The following CRPPA variants were observed in gnomAD, a reference collection of about 807,000 sequenced individuals.
The protein encoded by CRPPA is CDP-L-ribitol pyrophosphorylase A, also known as D-ribitol-5-phosphate cytidylyltransferase.
In CRPPA, 43 loss-of-function variants were observed where a neutral mutation model predicts 52.0. The observed-to-expected ratio is 0.83, with a 90% CI of 0.65 to 1.07. The LOEUF (loss-of-function observed/expected upper bound fraction) is 1.07. Ranked by LOEUF, CRPPA falls within the 50% of genes least tolerant of loss-of-function variation. CRPPA has a pLI of 0.00. For synonymous variants in CRPPA, 250 were observed against 203.5 expected, an observed-to-expected ratio of 1.23 and a Z score of -1.94; for missense variants, 629 against 551.7, an observed-to-expected ratio of 1.14 and a Z score of -1.40.
intron 8 of CRPPA, among the ~76,000 whole-genome samples, chr7:16,233,569 C>A (rs1782865140): frequency 6.6e-6 from 1 of 152,050 alleles, no homozygotes; most frequent in Non-Finnish European, 1.5e-5. Flanking sequence ...GTGACTAATA[C>A]AAAAAATACT....
At chr7:16,155,366 G>T (rs2128380184) in intron 9 of CRPPA, among the ~76,000 whole-genome samples, 1 of 152,284 alleles carries the variant, frequency 6.6e-6, no homozygotes, top group South Asian at 2.1e-4. Context: ...ACTCTGGTGG[G>T]TCTTATTTGC....
chr7:16,421,063 T>C lies in CRPPA; in HGVS notation c.257+3A>G. The C allele has an allele frequency of 7.9e-7, 1 of 1,266,364 alleles. No homozygotes were observed. Among genetic ancestry groups the C allele is most frequent in the Non-Finnish European group, 1.0e-6 (1 of 998,382 alleles). The allele number at this position is 1,266,364 out of a possible 1,614,324, so 78.4% of individuals were successfully genotyped here. A position where few individuals can be genotyped will look rare whatever the true frequency, so the allele number is the denominator to read the frequency against. On this transcript the variant is annotated splice_donor_region_variant and intron_variant, in intron 1 of 9. Transcript: ENST00000407010. ...CCGCGGGGCGCGCCCGGCGCCGCAT[T>C]ACCTCTCCAGGGCCTGTAGGGTGTA...
chr7:16,091,740 G>A lies in CRPPA; in HGVS notation c.1311C>T (p.Ile437=). 1 of 1,563,214 alleles carries A rather than the reference G, an allele frequency of 6.4e-7. No individual in the cohort carries two copies. Among genetic ancestry groups the A allele is most frequent in the Non-Finnish European group, 8.7e-7 (1 of 1,152,498 alleles). The part of the protein sequence containing the change: ...RQGAIIIASL[I]KERNSGLIGQ... ...CAATGAGTCCAGAATTTCTTTCCTT[G>A]ATTAATGAAGCAATAATGATAGCAC... The change falls in exon 10 of 10, where the codon ATC becomes ATT. Residue 437 remains isoleucine, a synonymous_variant. Transcript: ENST00000407010.
intron 1 of CRPPA, among the ~76,000 whole-genome samples, chr7:16,417,186 C>T (rs1170707417): frequency 6.6e-6 from 1 of 152,138 alleles, no homozygotes; most frequent in East Asian, 1.9e-4. Context: ...CACTTATACA[C>T]TGTTACTGGG....
At chr7:16,252,018 T>C (rs1254252080) in intron 8 of CRPPA, among the ~76,000 whole-genome samples, 1 of 151,892 alleles carries the variant, frequency 6.6e-6, no homozygotes, top group African/African-American at 2.4e-5. Flanking sequence ...AAGAATCAAA[T>C]AGACACAATA....
chr7:16,280,313 C>T (rs1169122260), intron 5 of CRPPA, among the ~76,000 whole-genome samples: 2 of 152,218 alleles, frequency 1.3e-5, no homozygotes, highest in Non-Finnish European at 2.9e-5. Context: ...GAAGTTAACT[C>T]ATAAAAGCAG....
chr7:16,372,484 C>T (rs1265176595), intron 3 of CRPPA, among the ~76,000 whole-genome samples: 1 of 152,128 alleles, frequency 6.6e-6, no homozygotes, highest in African/African-American at 2.4e-5. Context: ...ATCTTTTTCA[C>T]ACAAACAAAT....
chr7:16,152,054 C>G (rs1783085723), intron 9 of CRPPA, among the ~76,000 whole-genome samples: 1 of 151,840 alleles, frequency 6.6e-6, no homozygotes, highest in African/African-American at 2.4e-5. Context: ...ATGTCCCATT[C>G]CTCCATAAAT....
At chr7:16,373,592 C>CAG (rs1381608250) in intron 3 of CRPPA, among the ~76,000 whole-genome samples, 2 of 152,156 alleles carry the variant, frequency 1.3e-5, no homozygotes, top group African/African-American at 4.8e-5. Context: ...AGATGAAAAA[C>CAG]AGGCACTAAA....
intron 3 of CRPPA, among the ~76,000 whole-genome samples, chr7:16,329,157 T>C (rs1469641629): frequency 6.6e-6 from 1 of 152,208 alleles, no homozygotes; most frequent in Non-Finnish European, 1.5e-5. Context: ...TTACAGATTA[T>C]ATCCAAGAGG....
intron 9 of CRPPA, among the ~76,000 whole-genome samples, chr7:16,206,038 T>C (rs918864281): frequency 1.3e-5 from 2 of 152,118 alleles, no homozygotes; most frequent in Non-Finnish European, 2.9e-5. Flanking sequence ...ATGACCTGAC[T>C]CTTCACTGAA....
At chr7:16,215,918 T>G in intron 9 of CRPPA, 148 bp downstream of exon 9, 1 of 516,744 alleles carries the variant, frequency 1.9e-6, no homozygotes. Flanking sequence ...AGGCAAGAGG[T>G]TCTACTATTA....
chr7:16,250,306 T>G (rs111940941), intron 8 of CRPPA, among the ~76,000 whole-genome samples: 2,004 of 152,250 alleles, frequency 0.013, 45 homozygotes, highest in African/African-American at 0.046. Context: ...CTCTGCAGGA[T>G]ATTAATCAGG....
chr7:16,385,614 C>T (rs1384992280), intron 2 of CRPPA, among the ~76,000 whole-genome samples: 1 of 152,080 alleles, frequency 6.6e-6, no homozygotes, highest in Non-Finnish European at 1.5e-5. Flanking sequence ...AAAAAAGTAG[C>T]AACAAATGTT....
rs74620245 is a variant in CRPPA at position 16,272,101 on chromosome 7, T to C, written c.933+6028A>G. ...ACCCTGATCTATCTCTGGAGAGCTC[T>C]ATCTTCAAAGCTGGTAAGGTCTGTG... On this transcript the variant is annotated intron_variant, in intron 6 of 9. Coordinates refer to ENST00000407010, the MANE Select transcript of CRPPA (RefSeq NM_001101426.4). Among the ~76,000 whole-genome samples, 65 of 152,336 alleles carry C rather than the reference T, an allele frequency of 4.3e-4. No homozygotes were observed. The East Asian group carries it at 8.3e-3, about 19-fold the overall frequency.
At chr7:16,163,418 T>C (rs963835084) in intron 9 of CRPPA, among the ~76,000 whole-genome samples, 2 of 152,150 alleles carry the variant, frequency 1.3e-5, no homozygotes, top group African/African-American at 2.4e-5. Context: ...TCTTTGCACA[T>C]GAGATGGGTC....
chr7:16,356,623 G>C (rs12699784), intron 3 of CRPPA, among the ~76,000 whole-genome samples: 35,947 of 152,010 alleles, frequency 0.24, 4,796 homozygotes, highest in South Asian at 0.49. Context: ...ACAGCCAATA[G>C]AGACTACATT....
chr7:16,180,333 A>T (rs957161618), intron 9 of CRPPA, among the ~76,000 whole-genome samples: 8 of 152,134 alleles, frequency 5.3e-5, no homozygotes, highest in Non-Finnish European at 1.0e-4. Flanking sequence ...AAAAATATAT[A>T]CTACACTATA....
chr7:16,296,714 C>A (rs991280610), intron 5 of CRPPA, among the ~76,000 whole-genome samples: 2 of 151,870 alleles, frequency 1.3e-5, no homozygotes, highest in Non-Finnish European at 2.9e-5. Flanking sequence ...AGAAAAAAAA[C>A]AATTAAACAG....
Sources: gnomAD v4.1 joint callset for allele counts (sites outside exome capture counted in the v4.1 genomes callset) on GRCh38, gnomAD v4.1.1 for gene constraint, MANE v1.5 for transcripts, NCBI Gene and HGNC (gene_info 2026-07-23, HGNC 2026-07-21) for gene names.